Variants in SRGAP3 observed in about 807,000 individuals in gnomAD.
SRGAP3 encodes the protein SLIT-ROBO Rho GTPase-activating protein 3.
In SRGAP3, 39 loss-of-function variants were observed where a neutral mutation model predicts 121.1. That is an observed-to-expected ratio of 0.32 (90% CI 0.25 to 0.42). The LOEUF (loss-of-function observed/expected upper bound fraction) is 0.42. Among genes scored for constraint, SRGAP3 ranks in the 10% least tolerant of loss-of-function variants. The pLI, the probability that SRGAP3 is intolerant of heterozygous loss-of-function variation, is 1.00. For missense variants in SRGAP3, 1,213 were observed against 1,470.6 expected, an observed-to-expected ratio of 0.82 and a Z score of 2.86; for synonymous variants, 601 against 570.0, an observed-to-expected ratio of 1.05 and a Z score of -0.77.
chr3:9,245,109 G>A (rs1953773339), intron 1 of SRGAP3, among the ~76,000 whole-genome samples: 1 of 152,154 alleles, frequency 6.6e-6, no homozygotes, highest in Non-Finnish European at 1.5e-5. Context: ...TAATCTTTTG[G>A]AGGTCCTTTT....
intron 3 of SRGAP3, among the ~76,000 whole-genome samples, chr3:9,264,099 A>C (rs1175267432): frequency 1.3e-5 from 2 of 152,218 alleles, no homozygotes; most frequent in African/African-American, 2.4e-5. Context: ...CCATCACATA[A>C]ACAGAACCAA....
At chr3:9,111,413 C>G (rs1382556720) in intron 2 of SRGAP3, among the ~76,000 whole-genome samples, 1 of 152,216 alleles carries the variant, frequency 6.6e-6, no homozygotes, top group Admixed American at 6.5e-5. Flanking sequence ...GCAGAGGGAA[C>G]AGAATGGGCA....
intron 1 of SRGAP3, among the ~76,000 whole-genome samples, chr3:9,178,918 C>T (rs765670071): frequency 5.9e-5 from 9 of 152,346 alleles, no homozygotes; most frequent in Middle Eastern, 3.4e-3. Context: ...ACAGCTGCAA[C>T]GGTTGCCCAA....
chr3:9,229,825 A>G (rs933832634), intron 1 of SRGAP3, among the ~76,000 whole-genome samples: 8 of 152,194 alleles, frequency 5.3e-5, no homozygotes, highest in African/African-American at 1.7e-4. Flanking sequence ...TTTAGAGTCA[A>G]TTCCTCATCC....
intron 2 of SRGAP3, among the ~76,000 whole-genome samples, chr3:9,107,849 G>A (rs1365563423): frequency 5.9e-5 from 9 of 152,280 alleles, no homozygotes; most frequent in African/African-American, 1.2e-4. Context: ...GTGTCATCAC[G>A]TCCAGCACCC....
chr3:9,358,129 G>A (rs1200717003), intron 1 of SRGAP3, among the ~76,000 whole-genome samples: 15 of 152,006 alleles, frequency 9.9e-5, no homozygotes. Flanking sequence ...AAAATTCAGT[G>A]TTTCTTAGTA....
At chr3:9,173,363 A>G (rs1951057829) in intron 1 of SRGAP3, among the ~76,000 whole-genome samples, 1 of 152,114 alleles carries the variant, frequency 6.6e-6, no homozygotes, top group Non-Finnish European at 1.5e-5. Flanking sequence ...TGAAAGCACT[A>G]CCCTCCTTCA....
chr3:9,276,664 A>G (rs1954585791), intron 3 of SRGAP3, among the ~76,000 whole-genome samples: 1 of 152,118 alleles, frequency 6.6e-6, no homozygotes, highest in South Asian at 2.1e-4. Context: ...TGACTTTGTG[A>G]TCCGCCCACC....
chr3:9,030,162 A>AATGG (rs199647409), intron 12 of SRGAP3, among the ~76,000 whole-genome samples: 1,830 of 116,898 alleles, frequency 0.016, 32 homozygotes, highest in African/African-American at 0.051. Context: ...TAAATGAATG[A>AATGG]ATGAATGAAT....
At chr3:9,037,339 G>C (rs911340607) in intron 11 of SRGAP3, 3 of 152,402 alleles carry the variant, frequency 2.0e-5, no homozygotes, top group African/African-American at 7.2e-5. Flanking sequence ...AACCTGGCCA[G>C]TGACAGAGCC....
chr3:9,066,211 A>T (rs1405982196), intron 4 of SRGAP3, among the ~76,000 whole-genome samples: 2 of 152,204 alleles, frequency 1.3e-5, no homozygotes, highest in Admixed American at 1.3e-4. Context: ...CCCCAACCAG[A>T]AATGTACTTT....
chr3:9,298,904 T>C (rs993031784), intron 3 of SRGAP3, among the ~76,000 whole-genome samples: 78 of 151,734 alleles, frequency 5.1e-4, no homozygotes, highest in Non-Finnish European at 7.7e-4. Context: ...ATAGAAAAAT[T>C]AGCCGGGCGT....
intron 1 of SRGAP3, chr3:9,348,784 G>C: frequency 1.5e-6 from 2 of 1,365,794 alleles, no homozygotes; most frequent in South Asian, 2.3e-5. Context: ...TGAAGATCTG[G>C]AGGCACTCCT....
At chr3:9,130,946 G>A (rs1448774532) in intron 1 of SRGAP3, among the ~76,000 whole-genome samples, 6 of 152,214 alleles carry the variant, frequency 3.9e-5, no homozygotes, top group Non-Finnish European at 5.9e-5. Flanking sequence ...CTCCCAGGCT[G>A]GGCTGTGCAT....
chr3:9,185,709 A>G (rs1356696944), intron 1 of SRGAP3, among the ~76,000 whole-genome samples: 1 of 151,558 alleles, frequency 6.6e-6, no homozygotes, highest in Non-Finnish European at 1.5e-5. Context: ...AGGCCTGACT[A>G]ATTTTTTTTT....
chr3:9,293,923 G>A (rs1296321227), intron 3 of SRGAP3, among the ~76,000 whole-genome samples: 2 of 152,142 alleles, frequency 1.3e-5, no homozygotes, highest in Non-Finnish European at 2.9e-5. Flanking sequence ...AGACAGTGTA[G>A]CAATTCCTCA....
rs1420708840 is a variant in SRGAP3 at position 9,038,048 on chromosome 3, C to T, written c.1436+15G>A. ...GGGCAGCAGATGAAAGAAAACACAA[C>T]TCTCCCACTCTCACCTGGTGGTGCC... On this transcript the variant is annotated intron_variant, in intron 11 of 21. Transcript: ENST00000383836. 5 of 1,614,190 alleles carry T rather than the reference C, an allele frequency of 3.1e-6. No homozygotes were observed. The highest frequency in any genetic ancestry group is 3.4e-6 in the Non-Finnish European group (4 of 1,180,020).
intron 7 of SRGAP3, among the ~76,000 whole-genome samples, chr3:9,057,067 T>C (rs1316614329): frequency 6.6e-6 from 1 of 150,792 alleles, no homozygotes; most frequent in African/African-American, 2.5e-5. Flanking sequence ...TATTTGCTGT[T>C]TGTTTGTTTG....
At chr3:9,094,676 C>T (rs1192527409) in intron 3 of SRGAP3, among the ~76,000 whole-genome samples, 2 of 152,144 alleles carry the variant, frequency 1.3e-5, no homozygotes, top group Non-Finnish European at 2.9e-5. Context: ...GATTGTATCT[C>T]ATTTTGTTTT....
Sources: allele counts gnomAD v4.1 joint callset (sites outside exome capture counted in the v4.1 genomes callset), GRCh38; gene constraint gnomAD v4.1.1; transcripts MANE v1.5; gene names NCBI Gene and HGNC (gene_info 2026-07-23, HGNC 2026-07-21).